RGS7: variants seen among roughly 807,000 people sequenced by gnomAD.
RGS7 encodes the protein regulator of G-protein signaling 7.
In RGS7, 27 loss-of-function variants were observed where a neutral mutation model predicts 81.1. That is an observed-to-expected ratio of 0.33 (90% CI 0.25 to 0.46). RGS7 has a LOEUF of 0.46. RGS7 is among the 20% of genes least tolerant of loss of function. The pLI is 1.00. For synonymous variants in RGS7, 208 were observed against 207.7 expected (o/e 1.00, Z -0.01); for missense variants, 396 against 607.4 (o/e 0.65, Z 3.66).
At chr1:241,128,001 G>T (rs1437965392) in intron 2 of RGS7, among the ~76,000 whole-genome samples, 3 of 152,062 alleles carry the variant, frequency 2.0e-5, no homozygotes, top group Non-Finnish European at 4.4e-5. Flanking sequence ...AAAATGGGTC[G>T]GGTGTGGTGG....
At chr1:240,914,914 T>C (rs1044554346) in intron 6 of RGS7, among the ~76,000 whole-genome samples, 2 of 152,090 alleles carry the variant, frequency 1.3e-5, no homozygotes, top group African/African-American at 2.4e-5. Flanking sequence ...AAAACCAACA[T>C]TGGGATAGAA....
In RGS7 at chr1:241,144,614, G is replaced by A. The variant is rs376072724; in HGVS notation, c.79-45852C>T. ...GCCTAATCATCTCTGTGGATGTGCT[G>A]TCCTGGGCCTGCTTCGATAAGTGCT... On this transcript the variant is annotated intron_variant, in intron 2 of 18. Transcript: ENST00000440928. This position sits in a 1 kb window ranked among gnomAD's most constrained non-coding sequence, Gnocchi z 4.7. Among the ~76,000 whole-genome samples, 6 of 152,180 alleles carry A rather than the reference G, an allele frequency of 3.9e-5. No homozygotes were observed. Among genetic ancestry groups the A allele is most frequent in the African/African-American group, 1.4e-4 (6 of 41,430 alleles).
At chr1:240,810,445 C>A (rs369988530) in intron 14 of RGS7, among the ~76,000 whole-genome samples, 4 of 124,620 alleles carry the variant, frequency 3.2e-5, no homozygotes, top group African/African-American at 1.2e-4. Context: ...TTAATGCATT[C>A]TTTTTTTTTT....
chr1:241,213,856 C>T (rs1157953573), intron 2 of RGS7, among the ~76,000 whole-genome samples: 1 of 152,112 alleles, frequency 6.6e-6, no homozygotes, highest in African/African-American at 2.4e-5. Context: ...CTTTGACTTC[C>T]CAAGCTTAAG....
chr1:240,793,603 ATATATATATT>A (rs1220262422), intron 18 of RGS7, among the ~76,000 whole-genome samples: 1 of 97,280 alleles, frequency 1.0e-5, no homozygotes, highest in Non-Finnish European at 1.9e-5. Flanking sequence ...ATATATATAT[ATATATATATT>A]TTTTTTTTTT....
chr1:241,347,049 C>A lies in RGS7; in HGVS notation c.78+8650G>T, dbSNP rs189862074. ...AGCATTAACAATGAAAAAATGTCCA[C>A]AGATTTCTGTACTAGAGGAAAAAAT... On this transcript the variant is annotated intron_variant, in intron 2 of 18. Coordinates refer to ENST00000440928, the MANE Select transcript of RGS7 (RefSeq NM_001364886.1). Among the ~76,000 whole-genome samples the A allele has an allele frequency of 4.9e-4, 74 of 152,234 alleles. 1 individual carries two copies. Among genetic ancestry groups the A allele is most frequent in the Non-Finnish European group, 3.4e-4 (23 of 68,018 alleles).
intron 3 of RGS7, among the ~76,000 whole-genome samples, chr1:241,075,020 CTT>C (rs2062709791): frequency 6.6e-6 from 1 of 152,170 alleles, no homozygotes; most frequent in Admixed American, 6.5e-5. Context: ...GCATCCATCT[CTT>C]GCTAAAAGGC....
chr1:241,206,960 GTTTTTTTTTT>G (rs67087891), intron 2 of RGS7, among the ~76,000 whole-genome samples: 2 of 70,740 alleles, frequency 2.8e-5, no homozygotes, highest in East Asian at 1.0e-3. Context: ...TCTCTCTCTG[GTTTTTTTTTT>G]TTTTTTTTTT....
intron 2 of RGS7, among the ~76,000 whole-genome samples, chr1:241,155,008 C>G (rs1024051126): frequency 6.6e-6 from 1 of 152,140 alleles, no homozygotes; most frequent in Admixed American, 6.5e-5. Flanking sequence ...TACAAACTCA[C>G]TATTCTCAAG....
rs1037235296 is a variant in RGS7 at position 241,174,092 on chromosome 1, C to T, written c.79-75330G>A. ...CCTGTGTTTAATGAGAATTATAGGA[C>T]TTGCTATCCACCTTGAGGTCTGCTG... On this transcript the variant is annotated intron_variant, in intron 2 of 18. Transcript: ENST00000440928. Among the ~76,000 whole-genome samples the T allele has an allele frequency of 2.0e-5, 3 of 152,188 alleles. No individual in the cohort carries two copies. In the East Asian group the frequency reaches 5.8e-4, roughly 29 times the overall value.
intron 3 of RGS7, among the ~76,000 whole-genome samples, chr1:241,002,710 T>A (rs1421057998): frequency 5.9e-5 from 9 of 152,188 alleles, no homozygotes; most frequent in Non-Finnish European, 1.3e-4. Context: ...GATAAGTGGT[T>A]GGTGAATGAA....
intron 6 of RGS7, among the ~76,000 whole-genome samples, chr1:240,882,961 A>T (rs904959417): frequency 2.0e-5 from 3 of 152,162 alleles, no homozygotes; most frequent in Non-Finnish European, 4.4e-5. Context: ...CTCATTGTTC[A>T]ATTCCCACCT....
At chr1:240,900,893 TG>T (rs1314041715) in intron 6 of RGS7, among the ~76,000 whole-genome samples, 1 of 152,146 alleles carries the variant, frequency 6.6e-6, no homozygotes, top group Non-Finnish European at 1.5e-5. Flanking sequence ...CCACCAGAGG[TG>T]GAGTCTACAG....
chr1:241,063,110 G>A (rs1304027840), intron 3 of RGS7, among the ~76,000 whole-genome samples: 1 of 152,212 alleles, frequency 6.6e-6, no homozygotes, highest in East Asian at 1.9e-4. Context: ...TTGTTTGGTT[G>A]CAGAAAATAA....
chr1:241,309,162 G>A (rs2080350439), intron 2 of RGS7, among the ~76,000 whole-genome samples: 1 of 152,010 alleles, frequency 6.6e-6, no homozygotes, highest in African/African-American at 2.4e-5. Flanking sequence ...CGAGGTGGGT[G>A]GATCACCTGA....
At chr1:240,870,811 C>G (rs936331989) in intron 6 of RGS7, among the ~76,000 whole-genome samples, 3 of 152,160 alleles carry the variant, frequency 2.0e-5, no homozygotes, top group African/African-American at 7.2e-5. Flanking sequence ...TCAACGATGT[C>G]CAGATTCTAC....
In RGS7 at chr1:240,910,470, G is replaced by T. The variant is rs576191142; in HGVS notation, c.385+20247C>A. ...AGGAAGAGGGGTTAGGGAGAAATTG[G>T]TTAAAGGATAGAAATTTAGAGCTAG... is the stretch of plus-strand genomic sequence containing the variant. On this transcript the variant is annotated intron_variant, in intron 6 of 18. Transcript: ENST00000440928. Among the ~76,000 whole-genome samples the T allele has an allele frequency of 9.2e-5, 14 of 152,270 alleles. No homozygotes were observed. In the East Asian group the frequency reaches 1.9e-3, roughly 21 times the overall value.
In RGS7 at chr1:240,868,189, GGAAGGAAC is replaced by G. The variant is rs796325265; in HGVS notation, c.609+390_609+397del. Among the ~76,000 whole-genome samples, 2 of 149,530 alleles carry G rather than the reference GGAAGGAAC, an allele frequency of 1.3e-5. No individual in the cohort carries two copies. Among genetic ancestry groups the G allele is most frequent in the African/African-American group, 2.5e-5 (1 of 40,180 alleles). On this transcript the variant is annotated intron_variant, in intron 9 of 18. Transcript: ENST00000440928. This position sits in a 1 kb window ranked among gnomAD's most constrained non-coding sequence, Gnocchi z 5.1. ...AGGGAGGGAAGGACGAAGGAAGGAA[GGAAGGAAC>G]GAAGGAACGAAGGGAGGGAAGGAAA...
chr1:241,225,926 A>T (rs2075286635), intron 2 of RGS7, among the ~76,000 whole-genome samples: 1 of 152,176 alleles, frequency 6.6e-6, no homozygotes, highest in South Asian at 2.1e-4. Flanking sequence ...GAAAAAGTTG[A>T]TCCTTTGGTA....
Sources: gnomAD v4.1 joint callset for allele counts (sites outside exome capture counted in the v4.1 genomes callset) on GRCh38, gnomAD v4.1.1 for gene constraint, Gnocchi (gnomAD v3.1) non-coding constraint, MANE v1.5 for transcripts, NCBI Gene and HGNC (gene_info 2026-07-23, HGNC 2026-07-21) for gene names.